TYW1B: variants seen among roughly 807,000 people sequenced by gnomAD.
The protein encoded by TYW1B is tRNA-yW synthesizing protein 1 homolog B.
Under a neutral mutation model 86.9 loss-of-function variants are expected in TYW1B, and 73 were observed. The observed-to-expected ratio is 0.84, with a 90% CI of 0.70 to 1.02. TYW1B has a LOEUF of 1.02. Among genes scored for constraint, TYW1B ranks in the 50% least tolerant of loss-of-function variants. The pLI is 0.00. For missense variants in TYW1B, 637 were observed against 827.4 expected (o/e 0.77, Z 2.82); for synonymous variants, 248 against 292.8 (o/e 0.85, Z 1.56).
At chr7:72,580,653 CAG>C (rs1811131728) in intron 13 of TYW1B, among the ~76,000 whole-genome samples, 1 of 152,132 alleles carries the variant, frequency 6.6e-6, no homozygotes, top group African/African-American at 2.4e-5. Flanking sequence ...CTCTTTCACA[CAG>C]GGAGAATTTC....
intron 9 of TYW1B, among the ~76,000 whole-genome samples, chr7:72,722,130 T>C (rs1554457661): frequency 6.6e-6 from 1 of 152,212 alleles, no homozygotes; most frequent in African/African-American, 2.4e-5. Context: ...AGGTTTTTCA[T>C]AAATTAGTTT....
At chr7:72,783,206 C>T (rs1227186619) in intron 6 of TYW1B, among the ~76,000 whole-genome samples, 5 of 151,960 alleles carry the variant, frequency 3.3e-5, no homozygotes, top group South Asian at 2.1e-4. Flanking sequence ...CGAGAACAGC[C>T]TGGCCAACAT....
At chr7:72,606,727 G>C (rs1339160194) in intron 13 of TYW1B, among the ~76,000 whole-genome samples, 3 of 151,274 alleles carry the variant, frequency 2.0e-5, no homozygotes, top group Non-Finnish European at 4.4e-5. Context: ...CAGAATTTCT[G>C]CCTCTACTTG....
At chr7:72,699,427 A>G (rs1814403730) in intron 10 of TYW1B, among the ~76,000 whole-genome samples, 2 of 152,166 alleles carry the variant, frequency 1.3e-5, no homozygotes, top group African/African-American at 4.8e-5. Flanking sequence ...GATGAAAGTC[A>G]CGTGGCTCCA....
chr7:72,616,746 C>A lies in TYW1B; in HGVS notation c.1711G>T (p.Val571Leu). ...EEVVQFVREL[V>L]DLIPEYEIAC... ...ATTTCATATTCGGGGATCAGATCCA[C>A]CAGCTCGCGGACAAACTGTACCACT... Residue 571 changes from valine (V) to leucine (L), a missense_variant, in exon 13 of 14, where the codon GTG becomes TTG. Transcript: ENST00000620995. 6.2e-7 allele frequency: 1 copy of A among 1,614,240 alleles called. No homozygotes were observed. Among genetic ancestry groups the A allele is most frequent in the Non-Finnish European group, 8.5e-7 (1 of 1,180,040 alleles).
rs1585987982 is a variant in TYW1B, at chr7:72,793,517, T to A, written c.846+8883A>T. 2.0e-5 allele frequency among the ~76,000 whole-genome samples: 3 copies of A among 151,648 alleles called. No individual in the cohort carries two copies. The Middle Eastern group carries it at 0.01, about 516-fold the overall frequency. On this transcript the variant is annotated intron_variant, in intron 6 of 13. Transcript: ENST00000620995. Reference sequence around the variant, plus strand: ...ATCCCAGCACTTTGGGAGGCCGAGGTGGGCAGATCACAAGGTCAGGAGTTC... The same window carrying A: ...ATCCCAGCACTTTGGGAGGCCGAGGAGGGCAGATCACAAGGTCAGGAGTTC...
intron 8 of TYW1B, among the ~76,000 whole-genome samples, chr7:72,738,591 C>T (rs1174346768): frequency 1.3e-5 from 2 of 152,146 alleles, no homozygotes; most frequent in Non-Finnish European, 2.9e-5. Context: ...CAGCACTCTC[C>T]TTGGTTCTAA....
In TYW1B at chr7:72,694,727, C is replaced by T; in HGVS notation, c.1466G>A (p.Trp489Ter). ...TTTTAAACTGTCAAGGAATTGCTGC[C>T]AGAAATCCTTGAAGAGTGGGCGGTC... The part of the protein sequence containing the change: ...KIDRPLFKDF[W>*]QQFLDSLKAL... Residue 489 changes from tryptophan (W) to a stop codon, truncating the protein, a stop_gained, in exon 11 of 14, where the codon TGG becomes TAG. Coordinates refer to ENST00000620995, the MANE Select transcript of TYW1B (RefSeq NM_001145440.3). LOFTEE classifies it high-confidence loss of function. 1 of 1,613,680 alleles carries T rather than the reference C, an allele frequency of 6.2e-7. No individual in the cohort carries two copies. Among genetic ancestry groups the T allele is most frequent in the Non-Finnish European group, 8.5e-7 (1 of 1,179,904 alleles).
intron 2 of TYW1B, among the ~76,000 whole-genome samples, chr7:72,823,343 C>T (rs13307544): frequency 6.6e-6 from 1 of 151,368 alleles, no homozygotes; most frequent in Non-Finnish European, 1.5e-5. Context: ...AAATAAAGGC[C>T]GGGCACGGTG....
intron 10 of TYW1B, among the ~76,000 whole-genome samples, chr7:72,703,333 A>T (rs1404627043): frequency 6.6e-6 from 1 of 151,672 alleles, no homozygotes; most frequent in African/African-American, 2.4e-5. Flanking sequence ...TTATCAGTAT[A>T]TTTTCTATTT....
chr7:72,755,710 T>C (rs1481008414), intron 7 of TYW1B, among the ~76,000 whole-genome samples: 2 of 152,062 alleles, frequency 1.3e-5, no homozygotes, highest in African/African-American at 2.4e-5. Flanking sequence ...TCCTGCCCCA[T>C]AGGATAAAGC....
chr7:72,775,486 A>G lies in TYW1B; in HGVS notation c.964+1930T>C, dbSNP rs186076363. On this transcript the variant is annotated intron_variant, in intron 7 of 13. Coordinates refer to ENST00000620995, the MANE Select transcript of TYW1B (RefSeq NM_001145440.3). ...AGGATGACTGCTGAACTCTAATCAG[A>G]AGCAATGTGAGCAAGAGGACAGTGC... 2.6e-5 allele frequency among the ~76,000 whole-genome samples: 4 copies of G among 152,312 alleles called. No homozygotes were observed. The East Asian group carries it at 7.7e-4, about 29-fold the overall frequency.
intron 13 of TYW1B, among the ~76,000 whole-genome samples, chr7:72,579,487 C>G (rs1811099683): frequency 6.6e-6 from 1 of 152,220 alleles, no homozygotes; most frequent in South Asian, 2.1e-4. Context: ...TCTTTTCTCA[C>G]AGTTCTGGAG....
intron 8 of TYW1B, among the ~76,000 whole-genome samples, chr7:72,733,159 A>AACACAC (rs145935571): frequency 0.061 from 9,020 of 147,014 alleles, 343 homozygotes; most frequent in African/African-American, 0.1. Context: ...CCAAACCTAA[A>AACACAC]ACACACACAC....
chr7:72,686,149 G>A lies in TYW1B; in HGVS notation c.1506+8538C>T, dbSNP rs149977667. Among the ~76,000 whole-genome samples the A allele has an allele frequency of 2.7e-3, 410 of 152,228 alleles. 1 individual carries two copies. The highest frequency in any genetic ancestry group is 8.9e-3 in the African/African-American group (370 of 41,542). On this transcript the variant is annotated intron_variant, in intron 11 of 13. Coordinates refer to ENST00000620995, the MANE Select transcript of TYW1B (RefSeq NM_001145440.3). The stretch of plus-strand genomic sequence containing the variant: ...TACAGCCACTTTGGAAGACAGTTTG[G>A]CAGTTTCTTAAAAAACTAAACAATA...
chr7:72,661,437 C>G (rs1813329375), intron 11 of TYW1B, among the ~76,000 whole-genome samples: 1 of 150,952 alleles, frequency 6.6e-6, no homozygotes, highest in South Asian at 2.1e-4. Context: ...CCTGTATTTA[C>G]TATGCACAAA....
chr7:72,824,417 T>C (rs1314047925), intron 2 of TYW1B, among the ~76,000 whole-genome samples: 33 of 151,994 alleles, frequency 2.2e-4, no homozygotes, highest in Admixed American at 2.2e-3. Flanking sequence ...CTGGACAAGA[T>C]TGCAAGATCT....
chr7:72,715,441 A>G (rs576699732), intron 9 of TYW1B, among the ~76,000 whole-genome samples: 1 of 152,328 alleles, frequency 6.6e-6, no homozygotes, highest in East Asian at 1.9e-4. Context: ...GACTCAATGT[A>G]GAAGGCATTA....
chr7:72,690,778 G>A (rs782795696), intron 11 of TYW1B, among the ~76,000 whole-genome samples: 24 of 151,374 alleles, frequency 1.6e-4, no homozygotes, highest in Admixed American at 4.6e-4. Context: ...AGACAGTCTC[G>A]CTCTTGTTGA....
Sources: gnomAD v4.1 joint callset for allele counts (sites outside exome capture counted in the v4.1 genomes callset) on GRCh38, gnomAD v4.1.1 for gene constraint, MANE v1.5 for transcripts, NCBI Gene and HGNC (gene_info 2026-07-23, HGNC 2026-07-21) for gene names.